NR3C2: variants seen among roughly 807,000 people sequenced by gnomAD.
NR3C2 encodes mineralocorticoid receptor.
A neutral mutation model predicts 86.4 loss-of-function variants in NR3C2; 15 were observed. The ratio of observed to expected loss-of-function variants is 0.17; its 90% CI spans 0.12 to 0.27. NR3C2 has a LOEUF of 0.27. Among genes scored for constraint, NR3C2 ranks in the 10% least tolerant of loss-of-function variants. The pLI, the probability that NR3C2 is intolerant of heterozygous loss-of-function variation, is 1.00. For synonymous variants in NR3C2, 458 were observed against 450.5 expected, an observed-to-expected ratio of 1.02 and a Z score of -0.21; for missense variants, 960 against 1,195.6, an observed-to-expected ratio of 0.80 and a Z score of 2.91.
At chr4:148,209,323 T>A (rs555485402) in intron 3 of NR3C2, among the ~76,000 whole-genome samples, 8 of 152,036 alleles carry the variant, frequency 5.3e-5, no homozygotes, top group Non-Finnish European at 1.0e-4. Flanking sequence ...TGGAATGCAG[T>A]GGTGCAATCA....
intron 6 of NR3C2, among the ~76,000 whole-genome samples, chr4:148,126,363 A>G (rs1469833529): frequency 6.6e-6 from 1 of 152,248 alleles, no homozygotes; most frequent in African/African-American, 2.4e-5. Context: ...TAAGAGACCA[A>G]TGATCATTTG....
intron 2 of NR3C2, among the ~76,000 whole-genome samples, chr4:148,279,814 C>G (rs1238031932): frequency 6.6e-6 from 1 of 151,916 alleles, no homozygotes; most frequent in South Asian, 2.1e-4. Context: ...CAACCTCTGC[C>G]CCCCGGGTTC....
chr4:148,105,611 C>T (rs1259443227), intron 8 of NR3C2, among the ~76,000 whole-genome samples: 5 of 152,074 alleles, frequency 3.3e-5, no homozygotes, highest in Non-Finnish European at 4.4e-5. Flanking sequence ...TGAGGAACAT[C>T]GATGTGAAAA....
At chr4:148,374,368 C>G (rs1746570315) in intron 2 of NR3C2, among the ~76,000 whole-genome samples, 1 of 152,158 alleles carries the variant, frequency 6.6e-6, no homozygotes, top group Non-Finnish European at 1.5e-5. Context: ...TTGGAAGCAA[C>G]TTCTAAGAAG....
intron 4 of NR3C2, among the ~76,000 whole-genome samples, chr4:148,163,090 C>T (rs6811001): frequency 0.14 from 21,984 of 151,972 alleles, 2,147 homozygotes; most frequent in African/African-American, 0.28. Context: ...AGATAAGATA[C>T]GAAGGGTTTA....
intron 6 of NR3C2, among the ~76,000 whole-genome samples, chr4:148,143,277 T>G (rs1733697474): frequency 6.6e-6 from 1 of 152,218 alleles, no homozygotes; most frequent in Non-Finnish European, 1.5e-5. Context: ...CCAAGGGCAC[T>G]AGAAAAGCTC....
At chr4:148,430,003 G>A (rs1344310531) in intron 2 of NR3C2, among the ~76,000 whole-genome samples, 1 of 152,188 alleles carries the variant, frequency 6.6e-6, no homozygotes, top group East Asian at 1.9e-4. Flanking sequence ...AGTATGAAGA[G>A]AAGCAAAGTG....
intron 4 of NR3C2, among the ~76,000 whole-genome samples, chr4:148,170,580 T>G (rs1007379491): frequency 1.3e-5 from 2 of 152,154 alleles, no homozygotes; most frequent in African/African-American, 2.4e-5. Flanking sequence ...CCACTCCCTT[T>G]GGCATGGCAA....
chr4:148,314,742 AAAATTG>A (rs1285806499), intron 2 of NR3C2, among the ~76,000 whole-genome samples: 1 of 152,228 alleles, frequency 6.6e-6, no homozygotes, highest in Non-Finnish European at 1.5e-5. Flanking sequence ...TTTTAAAAGG[AAAATTG>A]AAATTGAAAG....
At chr4:148,236,774 T>A (rs1170721400) in intron 3 of NR3C2, among the ~76,000 whole-genome samples, 1 of 152,212 alleles carries the variant, frequency 6.6e-6, no homozygotes, top group East Asian at 1.9e-4. Flanking sequence ...GAGGTGATAT[T>A]AAAAATTACG....
At chr4:148,199,348 C>T (rs6820751) in intron 3 of NR3C2, among the ~76,000 whole-genome samples, 99,730 of 151,954 alleles carry the variant, frequency 0.66, 32,828 homozygotes, top group East Asian at 0.74. Flanking sequence ...GGATAAAAAG[C>T]CAGGACTGTC....
intron 8 of NR3C2, among the ~76,000 whole-genome samples, chr4:148,091,132 C>G (rs895242957): frequency 1.3e-5 from 2 of 152,256 alleles, no homozygotes; most frequent in Non-Finnish European, 2.9e-5. Flanking sequence ...TCTGGCGCAC[C>G]CTGCCCTGGG....
chr4:148,296,584 TAA>T (rs77790802), intron 2 of NR3C2, among the ~76,000 whole-genome samples: 8 of 139,128 alleles, frequency 5.8e-5, no homozygotes, highest in Admixed American at 1.5e-4. Context: ...TCTGACCAAT[TAA>T]AAAAAAAAAA....
intron 2 of NR3C2, among the ~76,000 whole-genome samples, chr4:148,356,906 T>TGG (rs886605568): frequency 2.3e-5 from 1 of 43,308 alleles, no homozygotes; most frequent in African/African-American, 7.1e-5. Context: ...CGACTGTGTG[T>TGG]GTGTGTGTGT....
At chr4:148,210,233 C>T (rs1737217037) in intron 3 of NR3C2, among the ~76,000 whole-genome samples, 1 of 152,132 alleles carries the variant, frequency 6.6e-6, no homozygotes, top group Non-Finnish European at 1.5e-5. Context: ...CTCTGTCACC[C>T]AGGCTGGAGT....
chr4:148,373,871 A>T (rs1746545589), intron 2 of NR3C2, among the ~76,000 whole-genome samples: 2 of 152,216 alleles, frequency 1.3e-5, no homozygotes, highest in South Asian at 4.1e-4. Flanking sequence ...TGTGAAACAG[A>T]CATCCTATTA....
intron 3 of NR3C2, among the ~76,000 whole-genome samples, chr4:148,209,048 A>T (rs935785665): frequency 1.3e-5 from 2 of 152,174 alleles, no homozygotes; most frequent in South Asian, 4.2e-4. Context: ...GTTCAAGACC[A>T]GCCTGGCCAA....
intron 2 of NR3C2, among the ~76,000 whole-genome samples, chr4:148,305,782 C>A (rs1192292405): frequency 6.6e-6 from 1 of 152,190 alleles, no homozygotes; most frequent in South Asian, 2.1e-4. Flanking sequence ...TGAAGAAACA[C>A]TGCTACTATT....
chr4:148,337,267 G>A (rs1744540881), intron 2 of NR3C2, among the ~76,000 whole-genome samples: 1 of 152,158 alleles, frequency 6.6e-6, no homozygotes, highest in South Asian at 2.1e-4. Flanking sequence ...ATGGGAAGAG[G>A]TGACATTGTT....
Sources: gnomAD v4.1 joint callset for allele counts (sites outside exome capture counted in the v4.1 genomes callset) on GRCh38, gnomAD v4.1.1 for gene constraint, MANE v1.5 for transcripts, NCBI Gene and HGNC (gene_info 2026-07-23, HGNC 2026-07-21) for gene names.